ASCC2: variants seen among roughly 807,000 people sequenced by gnomAD.
ASCC2 encodes the protein activating signal cointegrator 1 complex subunit 2.
In ASCC2, 42 loss-of-function variants were observed where a neutral mutation model predicts 93.5. That is an observed-to-expected ratio of 0.45 (90% CI 0.35 to 0.58). ASCC2 has a LOEUF of 0.58. ASCC2 is among the 20% of genes least tolerant of loss of function. The pLI, the probability that ASCC2 is intolerant of heterozygous loss-of-function variation, is 0.00. For missense variants in ASCC2, 859 were observed against 977.6 expected, an observed-to-expected ratio of 0.88 and a Z score of 1.62; for synonymous variants, 364 against 384.2, an observed-to-expected ratio of 0.95 and a Z score of 0.62.
intron 1 of ASCC2, among the ~76,000 whole-genome samples, chr22:29,837,737 GT>G (rs2064019114): frequency 1.3e-5 from 2 of 152,142 alleles, no homozygotes; most frequent in Admixed American, 1.3e-4. Context: ...CCCAGTTACT[GT>G]CATAGCTTTA....
intron 19 of ASCC2, among the ~76,000 whole-genome samples, 191 bp downstream of exon 19, chr22:29,790,278 C>T (rs775486275): frequency 1.3e-5 from 2 of 152,172 alleles, no homozygotes; most frequent in African/African-American, 2.4e-5. Flanking sequence ...GGTTACTTAA[C>T]GTCTCTGGGC....
intron 5 of ASCC2, among the ~76,000 whole-genome samples, chr22:29,820,335 T>C (rs1439259160): frequency 6.6e-6 from 1 of 151,982 alleles, no homozygotes; most frequent in African/African-American, 2.4e-5. Flanking sequence ...GCTAATTTTT[T>C]GTATTTTTAG....
At chr22:29,789,792 G>A (rs1206652080) in intron 19 of ASCC2, among the ~76,000 whole-genome samples, 2 of 152,220 alleles carry the variant, frequency 1.3e-5, no homozygotes, top group Non-Finnish European at 2.9e-5. Context: ...CCAGCAGACA[G>A]TGCTGCATGA....
At chr22:29,796,490 G>C (rs2058457553) in intron 15 of ASCC2, among the ~76,000 whole-genome samples, 1 of 152,100 alleles carries the variant, frequency 6.6e-6, no homozygotes, top group Non-Finnish European at 1.5e-5. Flanking sequence ...GGTCTGGCTG[G>C]GCATCTGTAG....
Position 29,825,202 on chromosome 22 carries a change from G to A in ASCC2, c.296C>T (p.Pro99Leu). 6.4e-7 allele frequency: 1 copy of A among 1,558,960 alleles called. No homozygotes were observed. The highest frequency in any genetic ancestry group is 8.7e-7 in the Non-Finnish European group (1 of 1,153,024). The change falls in exon 4 of 20, where the codon CCC (proline) becomes CTC (leucine). Residue 99 changes from proline to leucine, a missense_variant. Pro to Leu is a moderately conservative substitution (Grantham distance 98, BLOSUM62 -3). Coordinates refer to ENST00000307790, the MANE Select transcript of ASCC2 (RefSeq NM_032204.5). This position sits in a 1 kb window ranked among gnomAD's most constrained non-coding sequence, Gnocchi z 4.9. ...KCLDSYLRYVPRKFDEGVASA... is the reference protein window; with the variant it reads ...KCLDSYLRYVLRKFDEGVASA... The stretch of plus-strand genomic sequence containing the variant: ...GGCCACCCCCTCGTCGAATTTGCGG[G>A]GGACATAGCGCAGGTAGGAGTCCAG...
intron 8 of ASCC2, among the ~76,000 whole-genome samples, chr22:29,808,892 G>A (rs933101531): frequency 2.6e-5 from 4 of 151,952 alleles, no homozygotes; most frequent in African/African-American, 9.7e-5. Context: ...ACCGAGATGG[G>A]TGGATTACTT....
intron 13 of ASCC2, 36 bp from the exon 14 acceptor site, chr22:29,802,244 A>G: frequency 1.2e-6 from 2 of 1,606,698 alleles, no homozygotes; most frequent in Non-Finnish European, 1.7e-6. Flanking sequence ...GGGGAAGGCT[A>G]AGTGGGCCGG....
intron 15 of ASCC2, among the ~76,000 whole-genome samples, chr22:29,798,564 G>A (rs1021090189): frequency 1.3e-5 from 2 of 152,220 alleles, no homozygotes; most frequent in Middle Eastern, 3.2e-3. Context: ...ACACCGCCTT[G>A]TCATGCAAGG....
chr22:29,837,360 G>A (rs543118503), intron 1 of ASCC2, among the ~76,000 whole-genome samples: 2 of 152,310 alleles, frequency 1.3e-5, no homozygotes, highest in East Asian at 1.9e-4. Flanking sequence ...TTGAACCCGG[G>A]AGGCGGAGGT....
chr22:29,820,673 G>A (rs958421311), intron 5 of ASCC2, among the ~76,000 whole-genome samples: 1 of 151,486 alleles, frequency 6.6e-6, no homozygotes, highest in Non-Finnish European at 1.5e-5. Context: ...GTGGCTCACC[G>A]CCTGTAATCC....
chr22:29,820,423 A>G (rs1479066178), intron 5 of ASCC2, among the ~76,000 whole-genome samples: 1 of 151,768 alleles, frequency 6.6e-6, no homozygotes. Context: ...CGGCCTCCCA[A>G]AGTGCTGGGG....
At chr22:29,834,552 T>C (rs1429846005) in intron 1 of ASCC2, 5 of 470,352 alleles carry the variant, frequency 1.1e-5, no homozygotes, top group Non-Finnish European at 1.8e-5. Flanking sequence ...CGAGGTGGCC[T>C]GAAAAAAAAT....
chr22:29,818,415 CA>C (rs2148058604), intron 5 of ASCC2, among the ~76,000 whole-genome samples: 2 of 19,056 alleles, frequency 1.0e-4, no homozygotes, highest in African/African-American at 3.4e-4. Flanking sequence ...CACACACACA[CA>C]CACACACACA....
rs116278958 is a variant in ASCC2 at position 29,812,671 on chromosome 22, T to C, written c.833+759A>G. Reference sequence around the variant, plus strand: ...CCCTCTGCCTCATGTCACACTTCACTCCCCAGCTCTCTCTCTGGGCCTCTG... The same window carrying C: ...CCCTCTGCCTCATGTCACACTTCACCCCCCAGCTCTCTCTCTGGGCCTCTG... On this transcript the variant is annotated intron_variant, in intron 8 of 19. Transcript: ENST00000307790. 8.0e-3 allele frequency among the ~76,000 whole-genome samples: 1,222 copies of C among 152,262 alleles called. 18 individuals are homozygous for C. Among genetic ancestry groups the C allele is most frequent in the African/African-American group, 0.028 (1,152 of 41,552 alleles).
intron 9 of ASCC2, 38 bp from the exon 10 acceptor site, chr22:29,806,942 A>G: frequency 6.5e-7 from 1 of 1,540,732 alleles, no homozygotes; most frequent in Non-Finnish European, 8.9e-7. Flanking sequence ...TTTAGGAGAC[A>G]AAAAGGCCCT....
chr22:29,798,059 C>T (rs1163858860), intron 15 of ASCC2, among the ~76,000 whole-genome samples: 1 of 152,146 alleles, frequency 6.6e-6, no homozygotes, highest in Non-Finnish European at 1.5e-5. Context: ...CACGCCCAGC[C>T]GGCACAGATA....
At chr22:29,834,080 A>AT in intron 1 of ASCC2, 1 of 166,142 alleles carries the variant, frequency 6.0e-6, no homozygotes. Flanking sequence ...ATGCTCACAA[A>AT]AAGTCTAAGG....
chr22:29,792,685 C>G (rs1359088896), intron 17 of ASCC2, 150 bp from the exon 18 acceptor site: 1 of 1,104,654 alleles, frequency 9.1e-7, no homozygotes, highest in East Asian at 2.6e-5. Context: ...CAGATTTGCT[C>G]CAGCCCCTGG....
chr22:29,806,995 T>A (rs12627866), intron 9 of ASCC2, 91 bp from the exon 10 acceptor site: 4 of 957,428 alleles, frequency 4.2e-6, no homozygotes, highest in East Asian at 5.1e-5. Flanking sequence ...CCCTAGCATC[T>A]TGGGAATCTG....
Sources: allele counts gnomAD v4.1 joint callset (sites outside exome capture counted in the v4.1 genomes callset), GRCh38; gene constraint gnomAD v4.1.1; non-coding constraint Gnocchi (gnomAD v3.1); transcripts MANE v1.5; gene names NCBI Gene and HGNC (gene_info 2026-07-23, HGNC 2026-07-21).